Variants in SWAP70 observed in about 807,000 individuals in gnomAD.
SWAP70 encodes the protein switch-associated protein 70.
Under a neutral mutation model 80.2 loss-of-function variants are expected in SWAP70, and 34 were observed. The observed-to-expected ratio is 0.42, with a 90% confidence interval of 0.32 to 0.56. The LOEUF (loss-of-function observed/expected upper bound fraction) is 0.56, where lower values mean the gene tolerates loss of function less well. SWAP70 is among the 20% of genes least tolerant of loss of function. SWAP70 has a pLI of 0.09. For synonymous variants in SWAP70, 239 were observed against 238.5 expected (o/e 1.00, Z -0.02); for missense variants, 578 against 690.7 (o/e 0.84, Z 1.83).
chr11:9,749,759 AAAG>A, intron 11 of SWAP70, 102 bp from the exon 12 acceptor site: 1 of 700,132 alleles, frequency 1.4e-6, no homozygotes, highest in Non-Finnish European at 2.5e-6. Flanking sequence ...CATGTTCCTC[AAAG>A]AAGAAATAAA....
intron 11 of SWAP70, among the ~76,000 whole-genome samples, 171 bp downstream of exon 11, chr11:9,749,354 C>A (rs1851555081): frequency 6.6e-6 from 1 of 152,108 alleles, no homozygotes; most frequent in African/African-American, 2.4e-5. Context: ...TCATGCCATT[C>A]TCCTGCCTTA....
At position 9,703,976 on chromosome 11, in the gene SWAP70, C is replaced by G. The variant is rs543989685; in HGVS notation, c.241-9490C>G. On this transcript the variant is annotated intron_variant, in intron 2 of 11. Coordinates refer to ENST00000318950, the MANE Select transcript of SWAP70 (RefSeq NM_015055.4). ...TACTTTCTCCTTCTTGGCTCTTGCTCTGGTTTAAATGGTTTTATGAAACTA... is the reference window on the plus strand; with the variant it reads ...TACTTTCTCCTTCTTGGCTCTTGCTGTGGTTTAAATGGTTTTATGAAACTA... 5.9e-5 allele frequency among the ~76,000 whole-genome samples: 9 copies of G among 152,216 alleles called. No homozygotes were observed. In the South Asian group the frequency reaches 1.9e-3, roughly 32 times the overall value.
At chr11:9,675,326 AGAGAGAGAGAGAGAGGGAGC>A (rs1336540939) in intron 1 of SWAP70, among the ~76,000 whole-genome samples, 1,375 of 28,634 alleles carry the variant, frequency 0.048, 476 homozygotes, top group Non-Finnish European at 0.24. Flanking sequence ...GGAGCGAGAG[AGAGAGAGAGAGAGAGGGAGC>A]GAGAGAGAGA....
chr11:9,667,920 G>A (rs1413578146), intron 1 of SWAP70, among the ~76,000 whole-genome samples: 4 of 151,446 alleles, frequency 2.6e-5, no homozygotes, highest in Admixed American at 6.6e-5. Flanking sequence ...ACGGAGTGTC[G>A]CTTTATCACC....
At chr11:9,675,140 T>C (rs1287685686) in intron 1 of SWAP70, among the ~76,000 whole-genome samples, 1 of 151,840 alleles carries the variant, frequency 6.6e-6, no homozygotes, top group Admixed American at 6.6e-5. Context: ...TTTAAAAAGT[T>C]AGAGAGGTAT....
At position 9,724,797 on chromosome 11, in the gene SWAP70, G is replaced by T; in HGVS notation, c.554G>T (p.Gly185Val). The T allele has an allele frequency of 6.2e-7, 1 of 1,614,098 alleles. No individual in the cohort carries two copies. Among genetic ancestry groups the T allele is most frequent in the South Asian group, 1.1e-5 (1 of 91,072 alleles). Residue 185 changes from glycine (G) to valine (V), a missense_variant, in exon 4 of 12, where the codon GGA becomes GTA. Transcript: ENST00000318950. ...AWELIELIGN[G>V]QFSKGMDRQT... ...GAACTTATTGAGCTTATTGGAAATG[G>T]ACAGTTTAGCAAAGGCATGGACCGG...
Position 9,728,202 on chromosome 11 carries a change from G to A in SWAP70, c.789+3G>A. On this transcript the variant is annotated splice_donor_region_variant and intron_variant, in intron 5 of 11. Coordinates refer to ENST00000318950, the MANE Select transcript of SWAP70 (RefSeq NM_015055.4). ...TGGATGAAAATTGCTGTGTAGAGGT[G>A]AGTCTACTCTTACTTCTTTGCATGA... 6.3e-7 allele frequency: 1 copy of A among 1,595,160 alleles called. No homozygotes were observed. The highest frequency in any genetic ancestry group is 1.1e-5 in the South Asian group (1 of 88,164).
chr11:9,717,682 A>T (rs920126171), intron 3 of SWAP70, among the ~76,000 whole-genome samples: 1 of 148,118 alleles, frequency 6.8e-6, no homozygotes, highest in South Asian at 2.1e-4. Context: ...AAAAAATTAC[A>T]GTATTTTAAA....
intron 4 of SWAP70, among the ~76,000 whole-genome samples, chr11:9,725,554 TATA>T (rs1851205223): frequency 2.0e-4 from 2 of 10,178 alleles, no homozygotes; most frequent in African/African-American, 6.1e-4. Context: ...TATATATATA[TATA>T]TATATATATA....
chr11:9,667,669 C>CCTCCCACTTCAGA (rs138669902), intron 1 of SWAP70, among the ~76,000 whole-genome samples: 13,036 of 151,962 alleles, frequency 0.086, 774 homozygotes, highest in Middle Eastern at 0.17. Flanking sequence ...CTCAAGCAGT[C>CCTCCCACTTCAGA]CTCCCACTTC....
chr11:9,704,603 G>A (rs1322332397), intron 2 of SWAP70, among the ~76,000 whole-genome samples: 1 of 152,106 alleles, frequency 6.6e-6, no homozygotes, highest in East Asian at 1.9e-4. Flanking sequence ...ATGTTGGTCA[G>A]GCTGGTCTCG....
chr11:9,711,620 T>C (rs536487742), intron 2 of SWAP70, among the ~76,000 whole-genome samples: 1 of 152,278 alleles, frequency 6.6e-6, no homozygotes, highest in South Asian at 2.1e-4. Context: ...CAGAAGATCA[T>C]GGACAGGGGC....
At position 9,724,745 on chromosome 11, in the gene SWAP70, G is replaced by C. The variant is rs1213455037; in HGVS notation, c.502G>C (p.Asp168His). Residue 168 changes from aspartate to histidine, a missense_variant, in exon 4 of 12, where the codon GAC becomes CAC. Asp to His is a moderately conservative substitution (Grantham distance 81). Transcript: ENST00000318950. ...TGAACATTATAAAATCAACTTTGAT[G>C]ACAGTAAAAATGGCCTTTCTGCATG... ...QFEHYKINFD[D>H]SKNGLSAWEL... The C allele has an allele frequency of 2.5e-6, 4 of 1,614,144 alleles. No individual in the cohort carries two copies. Among genetic ancestry groups the C allele is most frequent in the Non-Finnish European group, 3.4e-6 (4 of 1,179,996 alleles).
chr11:9,720,940 C>T (rs1418434939), intron 3 of SWAP70, among the ~76,000 whole-genome samples: 3 of 152,102 alleles, frequency 2.0e-5, no homozygotes, highest in Non-Finnish European at 4.4e-5. Flanking sequence ...CTCAGCCTCC[C>T]GAGTAGCTAG....
At chr11:9,701,747 G>A (rs1850836271) in intron 2 of SWAP70, among the ~76,000 whole-genome samples, 1 of 126,726 alleles carries the variant, frequency 7.9e-6, no homozygotes, top group Non-Finnish European at 1.6e-5. Flanking sequence ...TTATCTGACA[G>A]TGAATAATTG....
intron 1 of SWAP70, 69 bp downstream of exon 1, chr11:9,664,347 A>G: frequency 6.8e-7 from 1 of 1,478,452 alleles, no homozygotes; most frequent in Non-Finnish European, 9.1e-7. Context: ...CTTGGGTGGA[A>G]GCGGGACCTG....
intron 9 of SWAP70, among the ~76,000 whole-genome samples, chr11:9,744,801 G>C (rs57590863): frequency 0.099 from 15,020 of 151,970 alleles, 1,867 homozygotes; most frequent in East Asian, 0.28. Context: ...CCAGCTACTC[G>C]GGAGGCTGAG....
intron 3 of SWAP70, among the ~76,000 whole-genome samples, chr11:9,721,876 C>T (rs148461556): frequency 6.6e-6 from 1 of 152,008 alleles, no homozygotes; most frequent in Non-Finnish European, 1.5e-5. Flanking sequence ...AACATTATAA[C>T]CAAATTATTG....
intron 3 of SWAP70, among the ~76,000 whole-genome samples, chr11:9,718,608 A>T (rs1407599494): frequency 6.6e-6 from 1 of 152,254 alleles, no homozygotes; most frequent in African/African-American, 2.4e-5. Flanking sequence ...GAAAACAGAT[A>T]TATTTAAAAA....
Sources: allele counts gnomAD v4.1 joint callset (sites outside exome capture counted in the v4.1 genomes callset), GRCh38; gene constraint gnomAD v4.1.1; transcripts MANE v1.5; gene names NCBI Gene and HGNC (gene_info 2026-07-23, HGNC 2026-07-21).